Variants in SEMA6D observed in about 807,000 individuals in gnomAD.
The protein encoded by SEMA6D is semaphorin-6D.
Under a neutral mutation model 106.6 loss-of-function variants are expected in SEMA6D, and 35 were observed. The observed-to-expected ratio is 0.33, with a 90% confidence interval of 0.25 to 0.44. SEMA6D has a LOEUF of 0.44. Among genes scored for constraint, SEMA6D ranks in the 20% least tolerant of loss-of-function variants. The pLI is 1.00. For missense variants in SEMA6D, 1,185 were observed against 1,345.9 expected (o/e 0.88, Z 1.87); for synonymous variants, 499 against 487.7 (o/e 1.02, Z -0.31).
chr15:47,502,202 C>G (rs1052778255), intron 3 of SEMA6D, among the ~76,000 whole-genome samples: 4 of 152,190 alleles, frequency 2.6e-5, no homozygotes, highest in Non-Finnish European at 5.9e-5. Flanking sequence ...ATATTCGGCT[C>G]TGTTCCCAAA....
intron 4 of SEMA6D, among the ~76,000 whole-genome samples, chr15:47,668,310 T>C (rs2078068407): frequency 6.6e-6 from 1 of 152,214 alleles, no homozygotes; most frequent in Non-Finnish European, 1.5e-5. Flanking sequence ...AAACAGCCAG[T>C]AGATCTAACA....
intron 3 of SEMA6D, among the ~76,000 whole-genome samples, chr15:47,513,106 C>T (rs959881274): frequency 2.0e-5 from 3 of 151,874 alleles, no homozygotes; most frequent in African/African-American, 7.3e-5. Flanking sequence ...CCAGAGTGAA[C>T]TATTAATGGA....
intron 4 of SEMA6D, among the ~76,000 whole-genome samples, chr15:47,615,665 C>T (rs904603998): frequency 6.6e-6 from 1 of 152,114 alleles, no homozygotes; most frequent in African/African-American, 2.4e-5. Flanking sequence ...TAGTTGGCTT[C>T]GGGACCTTTT....
At chr15:47,724,766 G>A (rs1188199011) in intron 1 of SEMA6D, among the ~76,000 whole-genome samples, 2 of 152,184 alleles carry the variant, frequency 1.3e-5, no homozygotes, top group Admixed American at 1.3e-4. Flanking sequence ...AGCGTCTCTG[G>A]TCTACTATAC....
At chr15:47,429,580 T>G (rs963772088) in intron 2 of SEMA6D, among the ~76,000 whole-genome samples, 1 of 152,114 alleles carries the variant, frequency 6.6e-6, no homozygotes, top group South Asian at 2.1e-4. Flanking sequence ...AACAAAATTA[T>G]GCATTGACCA....
intron 3 of SEMA6D, among the ~76,000 whole-genome samples, chr15:47,496,198 G>C (rs2043651670): frequency 6.6e-6 from 1 of 152,018 alleles, no homozygotes; most frequent in African/African-American, 2.4e-5. Context: ...GCTGGTCAAA[G>C]ACTAAGTAGT....
chr15:47,595,974 G>A (rs1000609889), intron 3 of SEMA6D, among the ~76,000 whole-genome samples: 2 of 151,966 alleles, frequency 1.3e-5, no homozygotes, highest in Admixed American at 6.6e-5. Flanking sequence ...GAAATAAAAG[G>A]CATCTAAGTA....
intron 1 of SEMA6D, among the ~76,000 whole-genome samples, chr15:47,379,626 G>A (rs1034074500): frequency 3.3e-5 from 5 of 152,184 alleles, no homozygotes; most frequent in East Asian, 1.9e-4. Flanking sequence ...TCCTGGAAGA[G>A]GTGAACTTTA....
At chr15:47,192,826 G>A (rs1337958425) in intron 1 of SEMA6D, among the ~76,000 whole-genome samples, 2 of 152,144 alleles carry the variant, frequency 1.3e-5, no homozygotes, top group African/African-American at 4.8e-5. Flanking sequence ...TGGCCACACA[G>A]AAAATGTCTA....
At position 47,771,209 on chromosome 15, in the gene SEMA6D, C is replaced by T. The variant is rs2082610879; in HGVS notation, c.2646C>T (p.Leu882=). Reference sequence around the variant, plus strand: ...ATTCCAGAAATACCCTCAATGATCTCCTGAAGCATCTGAATGACCCAAATA... The same window carrying T: ...ATTCCAGAAATACCCTCAATGATCTTCTGAAGCATCTGAATGACCCAAATA... The part of the protein sequence containing the change: ...SVDSRNTLND[L]LKHLNDPNSN... The change falls in exon 19 of 19, where the codon CTC becomes CTT. Residue 882 remains leucine, a synonymous_variant. Coordinates refer to ENST00000536845, the MANE Select transcript of SEMA6D (RefSeq NM_001358351.3). 1.9e-6 allele frequency: 3 copies of T among 1,614,100 alleles called. No homozygotes were observed. The East Asian group carries it at 6.7e-5, about 36-fold the overall frequency.
chr15:47,704,203 C>T (rs947028255), intron 4 of SEMA6D, among the ~76,000 whole-genome samples: 2 of 151,992 alleles, frequency 1.3e-5, no homozygotes, highest in Admixed American at 6.6e-5. Context: ...CCAGGCTGGC[C>T]TCAAACTCTT....
chr15:47,341,831 G>A (rs1029790047), intron 1 of SEMA6D, among the ~76,000 whole-genome samples: 3 of 152,022 alleles, frequency 2.0e-5, no homozygotes, highest in African/African-American at 7.2e-5. Flanking sequence ...TTCTGGGAAG[G>A]TCAGTTTCCC....
At chr15:47,288,193 C>A (rs867710662) in intron 1 of SEMA6D, among the ~76,000 whole-genome samples, 3 of 152,162 alleles carry the variant, frequency 2.0e-5, no homozygotes, top group Non-Finnish European at 2.9e-5. Flanking sequence ...ACTATATTAA[C>A]AAGTCTCATG....
At chr15:47,633,849 A>G (rs1353566426) in intron 4 of SEMA6D, among the ~76,000 whole-genome samples, 2 of 152,154 alleles carry the variant, frequency 1.3e-5, no homozygotes, top group African/African-American at 4.8e-5. Flanking sequence ...CAAATTAGGT[A>G]AACTCTATTG....
chr15:47,187,028 T>C (rs1238690217), intron 1 of SEMA6D, among the ~76,000 whole-genome samples: 2 of 152,170 alleles, frequency 1.3e-5, no homozygotes, highest in African/African-American at 4.8e-5. Flanking sequence ...TGTGAAGCCA[T>C]AATTTCACTG....
chr15:47,300,484 C>T (rs895137703), intron 1 of SEMA6D, among the ~76,000 whole-genome samples: 3 of 152,058 alleles, frequency 2.0e-5, no homozygotes, highest in South Asian at 2.1e-4. Flanking sequence ...AAAATAAAAA[C>T]GTGAATAAAA....
chr15:47,212,181 C>T (rs2030085945), intron 1 of SEMA6D, among the ~76,000 whole-genome samples: 1 of 152,138 alleles, frequency 6.6e-6, no homozygotes, highest in African/African-American at 2.4e-5. Context: ...AGCTACAAAG[C>T]TTAGGAAAAA....
intron 3 of SEMA6D, among the ~76,000 whole-genome samples, chr15:47,482,550 A>G (rs1042365750): frequency 3.9e-5 from 6 of 152,282 alleles, no homozygotes; most frequent in African/African-American, 1.2e-4. Context: ...ATTATGTACC[A>G]GTCACGTGCA....
intron 2 of SEMA6D, among the ~76,000 whole-genome samples, chr15:47,416,104 A>G (rs951521433): frequency 2.0e-5 from 3 of 152,162 alleles, no homozygotes; most frequent in Admixed American, 2.0e-4. Flanking sequence ...ATTTAGGAGT[A>G]AAGTTTGCAC....
Sources: allele counts gnomAD v4.1 joint callset (sites outside exome capture counted in the v4.1 genomes callset), GRCh38; gene constraint gnomAD v4.1.1; transcripts MANE v1.5; gene names NCBI Gene and HGNC (gene_info 2026-07-23, HGNC 2026-07-21).